The following MET variants were observed in gnomAD, a reference collection of about 807,000 sequenced individuals.
The protein encoded by MET is hepatocyte growth factor receptor.
In MET, 48 loss-of-function variants were observed where a neutral mutation model predicts 133.1. The observed-to-expected ratio is 0.36, with a 90% confidence interval of 0.29 to 0.46. The LOEUF is 0.46. Ranked by LOEUF, MET falls within the 20% of genes least tolerant of loss-of-function variation. The pLI is 1.00. For missense variants in MET, 1,442 were observed against 1,695.9 expected (o/e 0.85, Z 2.63); for synonymous variants, 628 against 616.5 (o/e 1.02, Z -0.28).
intron 19 of MET, among the ~76,000 whole-genome samples, chr7:116,784,943 G>A (rs1239843462): frequency 6.6e-6 from 1 of 152,242 alleles, no homozygotes; most frequent in Admixed American, 6.5e-5. Flanking sequence ...CGGGGGTACA[G>A]GCATTGGGTG....
At chr7:116,676,923 T>C (rs1275609972) in intron 1 of MET, among the ~76,000 whole-genome samples, 1 of 152,046 alleles carries the variant, frequency 6.6e-6, no homozygotes, top group African/African-American at 2.4e-5. Context: ...AAGATGAAGA[T>C]ACAGGAGTGG....
chr7:116,754,975 C>A (rs370379046), intron 5 of MET, among the ~76,000 whole-genome samples: 27 of 39,194 alleles, frequency 6.9e-4, no homozygotes, highest in South Asian at 2.6e-3. Flanking sequence ...AGGAAGGAAG[C>A]AGAGAAAGGA....
intron 14 of MET, among the ~76,000 whole-genome samples, chr7:116,774,637 G>A (rs924548134): frequency 6.6e-6 from 1 of 152,110 alleles, no homozygotes; most frequent in Non-Finnish European, 1.5e-5. Context: ...ATGGCTTTTT[G>A]CTATTGATAA....
At chr7:116,776,053 C>T (rs1794984681) in intron 15 of MET, among the ~76,000 whole-genome samples, 1 of 151,754 alleles carries the variant, frequency 6.6e-6, no homozygotes, top group African/African-American at 2.4e-5. Flanking sequence ...GGGAAATGAA[C>T]TTCATTCTTC....
chr7:116,723,405 A>C (rs1364911262), intron 2 of MET, among the ~76,000 whole-genome samples: 1 of 151,576 alleles, frequency 6.6e-6, no homozygotes, highest in Non-Finnish European at 1.5e-5. Context: ...CAAAGTTTTC[A>C]ACTTCTTTTC....
At chr7:116,686,375 C>T (rs1488296990) in intron 1 of MET, among the ~76,000 whole-genome samples, 2 of 152,070 alleles carry the variant, frequency 1.3e-5, no homozygotes, top group African/African-American at 4.8e-5. Flanking sequence ...CAAAAGCCAC[C>T]TTCCCAATTT....
intron 5 of MET, among the ~76,000 whole-genome samples, chr7:116,744,070 G>T (rs1036242526): frequency 3.9e-5 from 6 of 152,206 alleles, no homozygotes; most frequent in African/African-American, 1.4e-4. Context: ...ATAAATCCAT[G>T]AAGATGAGGA....
At chr7:116,767,635 G>T (rs1209150356) in intron 11 of MET, among the ~76,000 whole-genome samples, 1 of 152,032 alleles carries the variant, frequency 6.6e-6, no homozygotes, top group East Asian at 1.9e-4. Context: ...GGAGATTAAA[G>T]ATCAGAAAGC....
intron 6 of MET, 29 bp from the exon 7 acceptor site, chr7:116,757,408 A>G (rs1165826797): frequency 3.2e-6 from 5 of 1,573,728 alleles, no homozygotes; most frequent in Admixed American, 3.3e-5. Flanking sequence ...TGGATTTGTC[A>G]TGTATTAAAC....
chr7:116,735,923 C>T (rs576575889), intron 3 of MET, among the ~76,000 whole-genome samples: 5 of 151,924 alleles, frequency 3.3e-5, no homozygotes, highest in South Asian at 2.1e-4. Flanking sequence ...ATTACAGGCA[C>T]GTACCACCAT....
intron 12 of MET, among the ~76,000 whole-genome samples, chr7:116,770,439 AT>A (rs1794795037): frequency 1.3e-5 from 2 of 152,108 alleles, no homozygotes; most frequent in Admixed American, 1.3e-4. Flanking sequence ...AATGTTTGCC[AT>A]TTTGACCATT....
chr7:116,723,668 A>T (rs1348697579), intron 2 of MET, among the ~76,000 whole-genome samples: 1 of 152,054 alleles, frequency 6.6e-6, no homozygotes, highest in Non-Finnish European at 1.5e-5. Flanking sequence ...TTTGGTGTGG[A>T]TGTCCTTTCT....
At chr7:116,696,926 C>A (rs1338236595) in intron 1 of MET, among the ~76,000 whole-genome samples, 2 of 152,202 alleles carry the variant, frequency 1.3e-5, no homozygotes, top group African/African-American at 4.8e-5. Context: ...TCTCAGAATC[C>A]TTCTCATTTC....
intron 9 of MET, 171 bp from the exon 10 acceptor site, chr7:116,759,220 T>C (rs370784631): frequency 1.4e-4 from 129 of 917,984 alleles, no homozygotes; most frequent in East Asian, 1.2e-3. Flanking sequence ...TTAAAAATAT[T>C]TTCAAGTTAA....
intron 3 of MET, among the ~76,000 whole-genome samples, chr7:116,736,955 C>T (rs540821657): frequency 6.0e-4 from 91 of 152,262 alleles, no homozygotes; most frequent in African/African-American, 2.0e-3. Flanking sequence ...CACATTACTT[C>T]AGGGGTATTT....
chr7:116,697,873 A>G (rs1037394144), intron 1 of MET, among the ~76,000 whole-genome samples: 2 of 152,168 alleles, frequency 1.3e-5, no homozygotes, highest in African/African-American at 4.8e-5. Flanking sequence ...AATAATCAGC[A>G]TATATGTGTT....
chr7:116,683,884 A>T (rs1419818689), intron 1 of MET, among the ~76,000 whole-genome samples: 6 of 152,206 alleles, frequency 3.9e-5, no homozygotes, highest in Non-Finnish European at 5.9e-5. Context: ...AGTCTTCTGT[A>T]AGGCTCCATC....
chr7:116,745,132 A>G (rs868395705), intron 5 of MET, among the ~76,000 whole-genome samples: 1 of 152,212 alleles, frequency 6.6e-6, no homozygotes, highest in Non-Finnish European at 1.5e-5. Context: ...TTATACACCA[A>G]TAACAGACAA....
At chr7:116,781,183 C>A (rs993604360) in intron 17 of MET, among the ~76,000 whole-genome samples, 29 of 152,302 alleles carry the variant, frequency 1.9e-4, no homozygotes, top group African/African-American at 7.0e-4. Flanking sequence ...GCTTACCCTG[C>A]CTTACCAGTT....
Sources: allele counts gnomAD v4.1 joint callset (sites outside exome capture counted in the v4.1 genomes callset), GRCh38; gene constraint gnomAD v4.1.1; transcripts MANE v1.5; gene names NCBI Gene and HGNC (gene_info 2026-07-23, HGNC 2026-07-21).